The following SCHIP1 variants were observed in gnomAD, a reference collection of about 807,000 sequenced individuals.
The protein encoded by SCHIP1 is schwannomin interacting protein 1.
A neutral mutation model predicts 29.7 loss-of-function variants in SCHIP1; 8 were observed. That is an observed-to-expected ratio of 0.27 (90% confidence interval 0.16 to 0.49). SCHIP1 has a LOEUF of 0.49. Ranked by LOEUF, SCHIP1 falls within the 20% of genes least tolerant of loss-of-function variation. SCHIP1 has a pLI of 0.99. For synonymous variants in SCHIP1, 76 were observed against 94.9 expected (o/e 0.80, Z 1.16); for missense variants, 193 against 294.6 (o/e 0.66, Z 2.52).
the SCHIP1 span, among the ~76,000 whole-genome samples, chr3:159,480,439 G>A: frequency 6.6e-6 from 1 of 152,174 alleles, no homozygotes; most frequent in African/African-American, 2.4e-5. Flanking sequence ...CTGTTTCTAG[G>A]TTGATGTCAA....
the SCHIP1 span, among the ~76,000 whole-genome samples, chr3:159,560,142 T>G: frequency 1.3e-5 from 2 of 152,210 alleles, no homozygotes; most frequent in Admixed American, 1.3e-4. Flanking sequence ...AGAGAACAGA[T>G]TTTGTTACTA....
chr3:159,788,270 A>C, the SCHIP1 span, among the ~76,000 whole-genome samples: 1 of 152,258 alleles, frequency 6.6e-6, no homozygotes, highest in East Asian at 1.9e-4. Flanking sequence ...CTAAGTTTTC[A>C]ATTTCACTCT....
chr3:159,340,845 T>G, the SCHIP1 span, among the ~76,000 whole-genome samples: 1 of 152,180 alleles, frequency 6.6e-6, no homozygotes, highest in Non-Finnish European at 1.5e-5. Flanking sequence ...AAATAAAATT[T>G]CTTCCAAAAA....
chr3:159,557,510 C>T, the SCHIP1 span, among the ~76,000 whole-genome samples: 15 of 152,040 alleles, frequency 9.9e-5, no homozygotes, highest in African/African-American at 2.4e-4. Flanking sequence ...ACTGGAATAG[C>T]GGGTATTTAA....
chr3:159,397,871 C>G, the SCHIP1 span, among the ~76,000 whole-genome samples: 2 of 152,256 alleles, frequency 1.3e-5, no homozygotes, highest in Non-Finnish European at 2.9e-5. Context: ...AGCTTCCTGA[C>G]TGCTTTGTTT....
chr3:159,416,371 G>C, the SCHIP1 span, among the ~76,000 whole-genome samples: 2 of 152,116 alleles, frequency 1.3e-5, no homozygotes, highest in Non-Finnish European at 1.5e-5. Flanking sequence ...TTTTATATAT[G>C]TATTTAGTTT....
At chr3:159,525,102 C>A in the SCHIP1 span, among the ~76,000 whole-genome samples, 1 of 152,212 alleles carries the variant, frequency 6.6e-6, no homozygotes, top group East Asian at 1.9e-4. Flanking sequence ...GGTGTTCACT[C>A]CCCATCTTCT....
chr3:159,831,388 C>T, the SCHIP1 span, among the ~76,000 whole-genome samples: 1 of 152,272 alleles, frequency 6.6e-6, no homozygotes, highest in African/African-American at 2.4e-5. Context: ...TAGTCTCCCC[C>T]TTGGCCTGCC....
chr3:159,862,836 A>T (rs1473525324), intron 1 of SCHIP1, among the ~76,000 whole-genome samples: 1 of 152,116 alleles, frequency 6.6e-6, no homozygotes, highest in African/African-American at 2.4e-5. Context: ...TTTTTAAGTG[A>T]AAATGTTCAG....
At chr3:159,596,781 A>T in the SCHIP1 span, among the ~76,000 whole-genome samples, 1 of 151,282 alleles carries the variant, frequency 6.6e-6, no homozygotes, top group Non-Finnish European at 1.5e-5. Context: ...GGGGAACATC[A>T]CACACTGGGG....
the SCHIP1 span, among the ~76,000 whole-genome samples, chr3:159,308,907 A>G: frequency 1.8e-4 from 27 of 152,314 alleles, no homozygotes; most frequent in African/African-American, 6.3e-4. Flanking sequence ...AAATTCATGC[A>G]GGAACAAAAA....
the SCHIP1 span, among the ~76,000 whole-genome samples, chr3:159,303,521 AG>A: frequency 6.7e-6 from 1 of 148,852 alleles, no homozygotes; most frequent in Non-Finnish European, 1.5e-5. Flanking sequence ...GGAAGAAGGG[AG>A]GGAAGGAGGG....
chr3:159,294,614 A>G, the SCHIP1 span, among the ~76,000 whole-genome samples: 3 of 152,230 alleles, frequency 2.0e-5, no homozygotes, highest in Non-Finnish European at 4.4e-5. Context: ...AAAATTATTC[A>G]AATTCTACCA....
At chr3:159,490,073 G>A in the SCHIP1 span, among the ~76,000 whole-genome samples, 1 of 152,112 alleles carries the variant, frequency 6.6e-6, no homozygotes, top group Non-Finnish European at 1.5e-5. Context: ...TGTAACTGCT[G>A]AGTAATTTTT....
the SCHIP1 span, among the ~76,000 whole-genome samples, chr3:159,326,824 C>T: frequency 2.0e-5 from 3 of 152,086 alleles, no homozygotes; most frequent in African/African-American, 7.2e-5. Context: ...GGGTCATTTC[C>T]ACAAAAGCAT....
At chr3:159,794,582 G>A in the SCHIP1 span, among the ~76,000 whole-genome samples, 2 of 152,158 alleles carry the variant, frequency 1.3e-5, no homozygotes, top group African/African-American at 2.4e-5. Context: ...GGACCTCAAG[G>A]TCAAGGCCAA....
At chr3:159,855,821 G>T (rs1713283900) in intron 1 of SCHIP1, among the ~76,000 whole-genome samples, 1 of 152,146 alleles carries the variant, frequency 6.6e-6, no homozygotes. Context: ...TTACAGGGTT[G>T]TTTTAAAGTC....
chr3:159,582,298 G>A, the SCHIP1 span, among the ~76,000 whole-genome samples: 1 of 151,894 alleles, frequency 6.6e-6, no homozygotes, highest in Non-Finnish European at 1.5e-5. Context: ...TGAGTAGCTG[G>A]GACTACAGGC....
chr3:159,787,528 A>G, the SCHIP1 span, among the ~76,000 whole-genome samples: 1 of 152,188 alleles, frequency 6.6e-6, no homozygotes, highest in Non-Finnish European at 1.5e-5. Flanking sequence ...CTTTCCTTGT[A>G]TTCTGTGTTT....
Sources: gnomAD v4.1 joint callset for allele counts (sites outside exome capture counted in the v4.1 genomes callset) on GRCh38, gnomAD v4.1.1 for gene constraint, MANE v1.5 for transcripts, NCBI Gene and HGNC (gene_info 2026-07-23, HGNC 2026-07-21) for gene names.